Variants in SSBP3 observed in about 807,000 individuals in gnomAD.
SSBP3 encodes the protein single stranded DNA binding protein 3, also known as single-stranded DNA-binding protein 3.
Under a neutral mutation model 69.6 loss-of-function variants are expected in SSBP3, and 5 were observed. The observed-to-expected ratio is 0.07, with a 90% CI of 0.04 to 0.15. The LOEUF is 0.15. Ranked by LOEUF, SSBP3 falls within the 10% of genes least tolerant of loss-of-function variation. The pLI is 1.00. For missense variants in SSBP3, 312 were observed against 534.0 expected (o/e 0.58, Z 4.10); for synonymous variants, 196 against 193.4 (o/e 1.01, Z -0.11).
chr1:54,303,452 T>C (rs143904814), intron 4 of SSBP3, among the ~76,000 whole-genome samples: 14 of 152,312 alleles, frequency 9.2e-5, no homozygotes, highest in East Asian at 5.8e-4. Flanking sequence ...ATCACCCGCA[T>C]TTCCCCTCAC....
intron 5 of SSBP3, among the ~76,000 whole-genome samples, chr1:54,262,433 G>A (rs1427499911): frequency 6.6e-6 from 1 of 152,200 alleles, no homozygotes; most frequent in African/African-American, 2.4e-5. Flanking sequence ...AAAGGGCAAA[G>A]TGGAATGAAC....
intron 8 of SSBP3, 29 bp from the exon 9 acceptor site, chr1:54,251,721 A>G (rs1207277301): frequency 4.4e-6 from 7 of 1,581,230 alleles, no homozygotes; most frequent in Non-Finnish European, 4.3e-6. Flanking sequence ...GCGTCATGGG[A>G]TGGCAGGAGT....
At chr1:54,366,195 G>C (rs1647027495) in intron 4 of SSBP3, among the ~76,000 whole-genome samples, 1 of 152,162 alleles carries the variant, frequency 6.6e-6, no homozygotes, top group African/African-American at 2.4e-5. Context: ...GGCATTTATA[G>C]CTTATCTTTA....
At chr1:54,362,924 C>T (rs1249959789) in intron 4 of SSBP3, among the ~76,000 whole-genome samples, 3 of 152,030 alleles carry the variant, frequency 2.0e-5, no homozygotes, top group African/African-American at 7.3e-5. Context: ...TGCAATCTGA[C>T]TGGATGGAGG....
chr1:54,382,610 G>A (rs1049307649), intron 4 of SSBP3, among the ~76,000 whole-genome samples: 2 of 152,136 alleles, frequency 1.3e-5, no homozygotes, highest in Admixed American at 6.5e-5. Context: ...GATACTATTA[G>A]GACAATTTTA....
At chr1:54,358,770 C>T (rs1440295111) in intron 4 of SSBP3, among the ~76,000 whole-genome samples, 3 of 152,264 alleles carry the variant, frequency 2.0e-5, no homozygotes, top group East Asian at 1.9e-4. Flanking sequence ...ACGCTCTCAA[C>T]GACACAGGGA....
intron 15 of SSBP3, 104 bp from the exon 16 acceptor site, chr1:54,228,581 C>G (rs11206309): frequency 0.14 from 219,290 of 1,538,696 alleles, 16,603 homozygotes; most frequent in South Asian, 0.24. Flanking sequence ...CCATCCCAGT[C>G]CCACACTGTG....
intron 9 of SSBP3, among the ~76,000 whole-genome samples, chr1:54,245,770 A>G (rs1024633459): frequency 6.6e-6 from 1 of 152,216 alleles, no homozygotes. Flanking sequence ...CCACAGGGTG[A>G]AGAGCAGAAC....
intron 5 of SSBP3, among the ~76,000 whole-genome samples, chr1:54,273,735 C>G (rs1277776539): frequency 6.6e-6 from 1 of 152,226 alleles, no homozygotes; most frequent in Non-Finnish European, 1.5e-5. Flanking sequence ...AAGGCTGGCT[C>G]CCCGAGGACA....
chr1:54,284,624 T>C (rs531528583), intron 4 of SSBP3, among the ~76,000 whole-genome samples: 1 of 151,860 alleles, frequency 6.6e-6, no homozygotes, highest in Non-Finnish European at 1.5e-5. Context: ...CACACCACCA[T>C]ACCCAGCTAA....
At chr1:54,406,123 C>G in exon 1 of SSBP3, 1 of 781,216 alleles carries the variant, frequency 1.3e-6, no homozygotes, top group Non-Finnish European at 1.8e-6. Context: ...CTCGCTCGCT[C>G]TCTCGCTCGC....
chr1:54,239,018 C>A, intron 14 of SSBP3, 111 bp downstream of exon 14: 1 of 875,844 alleles, frequency 1.1e-6, no homozygotes, highest in South Asian at 1.4e-5. Context: ...TTTTATTCAT[C>A]TTTGGTAACA....
intron 4 of SSBP3, among the ~76,000 whole-genome samples, chr1:54,315,276 A>AAT (rs1011234710): frequency 6.6e-6 from 1 of 152,090 alleles, no homozygotes; most frequent in Non-Finnish European, 1.5e-5. Context: ...AACTGCACAC[A>AAT]ATAGCACAAG....
At chr1:54,237,123 C>T (rs139396952) in intron 14 of SSBP3, 16 of 152,330 alleles carry the variant, frequency 1.1e-4, no homozygotes, top group Non-Finnish European at 1.6e-4. Context: ...TTCAAATCAA[C>T]ATACCTAAGA....
Position 54,404,940 on chromosome 1 carries a change from G to C in SSBP3, c.57-10C>G, listed in dbSNP as rs200498753. ...GACGTATAAAGCTAACCTGGAAAGT[G>C]GACAGGGGGCAAAGAGAGAGAGGGA... On this transcript the variant is annotated splice_polypyrimidine_tract_variant and intron_variant, in intron 1 of 17. Coordinates refer to ENST00000610401, the Ensembl canonical transcript of SSBP3. 2.5e-6 allele frequency: 4 copies of C among 1,611,294 alleles called. No individual in the cohort carries two copies. The East Asian group carries it at 8.9e-5, about 36-fold the overall frequency.
At chr1:54,301,030 C>T (rs190267816) in intron 4 of SSBP3, among the ~76,000 whole-genome samples, 83 of 152,300 alleles carry the variant, frequency 5.4e-4, no homozygotes, top group Middle Eastern at 3.4e-3. Flanking sequence ...CCACATCTGA[C>T]AGGTGGCACT....
At chr1:54,304,195 C>T (rs35527464) in intron 4 of SSBP3, among the ~76,000 whole-genome samples, 23,722 of 152,130 alleles carry the variant, frequency 0.16, 2,182 homozygotes, top group South Asian at 0.26. Flanking sequence ...TGGAACCAAA[C>T]GACACAGGAT....
In SSBP3 at chr1:54,403,913, C is replaced by G. The variant is rs909603271; in HGVS notation, c.191+663G>C. 4.6e-5 allele frequency among the ~76,000 whole-genome samples: 7 copies of G among 151,538 alleles called. No individual in the cohort carries two copies. In the East Asian group the frequency reaches 1.2e-3, roughly 25 times the overall value. ...CCCCACACCCAAAGGACACAGAGGC[C>G]TGGTTAGAGAGTCACAGAGAGTGGG... On this transcript the variant is annotated intron_variant, in intron 3 of 17. Transcript: ENST00000610401.
chr1:54,330,864 C>T (rs1018691920), intron 4 of SSBP3, among the ~76,000 whole-genome samples: 1 of 152,208 alleles, frequency 6.6e-6, no homozygotes, highest in South Asian at 2.1e-4. Flanking sequence ...CTCCTGAGCA[C>T]ACCACCGTGG....
Sources: gnomAD v4.1 joint callset for allele counts (sites outside exome capture counted in the v4.1 genomes callset) on GRCh38, gnomAD v4.1.1 for gene constraint, MANE v1.5 for transcripts, NCBI Gene and HGNC (gene_info 2026-07-23, HGNC 2026-07-21) for gene names.